NBAS: variants seen among roughly 807,000 people sequenced by gnomAD.
The protein encoded by NBAS is NAG/BC035112 fusion.
Under a neutral mutation model 302.5 loss-of-function variants are expected in NBAS, and 219 were observed. The ratio of observed to expected loss-of-function variants is 0.72; its 90% confidence interval spans 0.65 to 0.81. The LOEUF (loss-of-function observed/expected upper bound fraction) is 0.81, where lower values mean the gene tolerates loss of function less well. NBAS is among the 30% of genes least tolerant of loss of function. The pLI is 0.00. For missense variants in NBAS, 2,932 were observed against 2,841.6 expected (o/e 1.03, Z -0.72); for synonymous variants, 1,118 against 1,021.6 (o/e 1.09, Z -1.80).
intron 35 of NBAS, among the ~76,000 whole-genome samples, chr2:15,342,716 A>G (rs1433373111): frequency 6.6e-6 from 1 of 152,080 alleles, no homozygotes; most frequent in Non-Finnish European, 1.5e-5. Flanking sequence ...TTATATTTTA[A>G]AAAAGCAGAA....
the NBAS span, among the ~76,000 whole-genome samples, chr2:14,833,182 C>T: frequency 6.6e-6 from 1 of 152,120 alleles, no homozygotes; most frequent in Non-Finnish European, 1.5e-5. Context: ...AATTCTCTAG[C>T]CTCTAGCTCT....
the NBAS span, among the ~76,000 whole-genome samples, chr2:14,865,862 T>C: frequency 6.6e-6 from 1 of 152,140 alleles, no homozygotes; most frequent in African/African-American, 2.4e-5. Context: ...TTGGAGAGTT[T>C]CTTAAGTTTG....
chr2:15,329,383 A>G (rs1429266641), intron 36 of NBAS, among the ~76,000 whole-genome samples: 1 of 152,042 alleles, frequency 6.6e-6, no homozygotes, highest in Non-Finnish European at 1.5e-5. Context: ...CCCATCCCCA[A>G]ACCAACCTCT....
At chr2:14,960,101 T>G in the NBAS span, among the ~76,000 whole-genome samples, 2 of 152,232 alleles carry the variant, frequency 1.3e-5, no homozygotes, top group Non-Finnish European at 2.9e-5. Context: ...TAGGTCATCA[T>G]CTGCCATATG....
the NBAS span, among the ~76,000 whole-genome samples, chr2:14,783,683 G>C: frequency 6.6e-6 from 1 of 151,770 alleles, no homozygotes; most frequent in Non-Finnish European, 1.5e-5. Flanking sequence ...GTATTCCATG[G>C]TGTATATGTG....
intron 9 of NBAS, among the ~76,000 whole-genome samples, chr2:15,532,638 T>C (rs1256008012): frequency 6.6e-6 from 1 of 151,872 alleles, no homozygotes; most frequent in Non-Finnish European, 1.5e-5. Context: ...AAATAAACAT[T>C]GTGTAAAATT....
chr2:14,784,385 C>T, the NBAS span, among the ~76,000 whole-genome samples: 4 of 152,154 alleles, frequency 2.6e-5, no homozygotes, highest in African/African-American at 9.7e-5. Flanking sequence ...GACATGAAGT[C>T]CTTGCCCATG....
chr2:15,098,866 A>G, the NBAS span, among the ~76,000 whole-genome samples: 1 of 151,178 alleles, frequency 6.6e-6, no homozygotes, highest in Non-Finnish European at 1.5e-5. Context: ...AAAAAAACAG[A>G]GTTAAATAGT....
chr2:15,165,009 T>TC (rs1209970346), downstream of NBAS, among the ~76,000 whole-genome samples: 4 of 152,180 alleles, frequency 2.6e-5, no homozygotes, highest in East Asian at 7.7e-4. Flanking sequence ...GTGCAGTCAC[T>TC]CCAGCCCTCT....
the NBAS span, among the ~76,000 whole-genome samples, chr2:15,036,165 AT>A: frequency 3.3e-5 from 5 of 152,154 alleles, no homozygotes; most frequent in African/African-American, 1.2e-4. Context: ...AATATGTTGT[AT>A]TTTTTAAATG....
the NBAS span, among the ~76,000 whole-genome samples, chr2:15,146,701 C>T: frequency 7.2e-5 from 11 of 152,210 alleles, no homozygotes; most frequent in South Asian, 4.2e-4. Flanking sequence ...CCTCTCAGAG[C>T]GCAGAACACA....
Position 15,366,645 on chromosome 2 carries a change from T to A in NBAS, c.3752A>T (p.Gln1251Leu), listed in dbSNP as rs1170510051. Residue 1251 changes from glutamine (Q) to leucine (L), a missense_variant, in exon 32 of 52, where the codon CAG becomes CTG. Gln to Leu is a moderately radical substitution (Grantham distance 113, BLOSUM62 -2). Transcript: ENST00000281513. ...GGATTGTTTATAGCATGTGGGGGAC[T>A]GGGAAATACACTCCTTGATGAGACT... ...RISLIKECIS[Q>L]SPTCYKQSTK... is the part of the protein sequence containing the mutation. The A allele has an allele frequency of 3.7e-6, 6 of 1,613,994 alleles. No homozygotes were observed. In the African/African-American group the frequency reaches 4.0e-5, roughly 11 times the overall value.
chr2:15,017,343 G>T, the NBAS span, among the ~76,000 whole-genome samples: 36 of 151,810 alleles, frequency 2.4e-4, no homozygotes, highest in African/African-American at 8.2e-4. Flanking sequence ...AAAAAGCTTC[G>T]TCACAGCAAA....
the NBAS span, among the ~76,000 whole-genome samples, chr2:15,139,098 G>A: frequency 2.7e-3 from 414 of 152,276 alleles, 1 homozygote; most frequent in African/African-American, 9.4e-3. Context: ...GTGGAGCTGC[G>A]AGATAATAAA....
chr2:14,782,232 G>A, the NBAS span, among the ~76,000 whole-genome samples: 5 of 151,990 alleles, frequency 3.3e-5, no homozygotes, highest in African/African-American at 9.7e-5. Flanking sequence ...TCCTAAGCTA[G>A]GAAGCATTCA....
At chr2:15,532,794 T>C (rs963739199) in intron 9 of NBAS, among the ~76,000 whole-genome samples, 3 of 152,050 alleles carry the variant, frequency 2.0e-5, no homozygotes, top group Non-Finnish European at 4.4e-5. Context: ...CTTGAAATTA[T>C]GTGCAAATAC....
chr2:15,344,089 A>G (rs1235370240), intron 35 of NBAS, among the ~76,000 whole-genome samples: 2 of 151,874 alleles, frequency 1.3e-5, no homozygotes, highest in Admixed American at 1.3e-4. Context: ...ATACCATTAC[A>G]TTAAGAAAGT....
At chr2:14,886,198 C>CCA in the NBAS span, among the ~76,000 whole-genome samples, 33,262 of 151,968 alleles carry the variant, frequency 0.22, 6,377 homozygotes, top group African/African-American at 0.52. Flanking sequence ...CTCCATAATT[C>CCA]CCTAATTCCT....
At chr2:15,036,324 CTG>C in the NBAS span, among the ~76,000 whole-genome samples, 2 of 152,156 alleles carry the variant, frequency 1.3e-5, no homozygotes, top group South Asian at 4.1e-4. Context: ...TTGCAAGGTG[CTG>C]TGCTAGAAGG....
Sources: allele counts gnomAD v4.1 joint callset (sites outside exome capture counted in the v4.1 genomes callset), GRCh38; gene constraint gnomAD v4.1.1; transcripts MANE v1.5; gene names NCBI Gene and HGNC (gene_info 2026-07-23, HGNC 2026-07-21).